The following POU6F2 variants were observed in gnomAD, a reference collection of about 807,000 sequenced individuals.
The protein encoded by POU6F2 is POU domain, class 6, transcription factor 2.
POU6F2 carries 31 observed loss-of-function variants against 71.3 expected under a neutral mutation model. That is an observed-to-expected ratio of 0.43 (90% CI 0.33 to 0.59). The LOEUF (loss-of-function observed/expected upper bound fraction) is 0.59, where lower values mean the gene tolerates loss of function less well. Among genes scored for constraint, POU6F2 ranks in the 20% least tolerant of loss-of-function variants. The pLI is 0.04. For missense variants in POU6F2, 783 were observed against 856.8 expected (o/e 0.91, Z 1.07); for synonymous variants, 347 against 355.7 (o/e 0.98, Z 0.27).
intron 4 of POU6F2, among the ~76,000 whole-genome samples, chr7:39,325,427 G>T (rs1172162744): frequency 6.6e-6 from 1 of 152,184 alleles, no homozygotes; most frequent in African/African-American, 2.4e-5. Flanking sequence ...AAATTGAATT[G>T]CCTGTTTAGG....
chr7:39,228,850 C>G (rs1030744541), intron 4 of POU6F2, among the ~76,000 whole-genome samples: 2 of 152,126 alleles, frequency 1.3e-5, no homozygotes, highest in Non-Finnish European at 2.9e-5. Context: ...AACCTGGGAC[C>G]CTTGCTCCCA....
chr7:39,296,233 T>C (rs1784841287), intron 4 of POU6F2, among the ~76,000 whole-genome samples: 1 of 152,210 alleles, frequency 6.6e-6, no homozygotes. Context: ...TGCTCATTAA[T>C]TACAGAAACT....
At chr7:39,433,306 G>T in intron 7 of POU6F2, 23 bp downstream of exon 7, 7 of 1,613,476 alleles carry the variant, frequency 4.3e-6, no homozygotes, top group Non-Finnish European at 5.9e-6. Context: ...GGCCAAGGCA[G>T]CCATGGCACA....
At chr7:39,093,999 A>T (rs1451062513) in intron 2 of POU6F2, among the ~76,000 whole-genome samples, 1 of 152,126 alleles carries the variant, frequency 6.6e-6, no homozygotes, top group Non-Finnish European at 1.5e-5. Context: ...TATAATAATA[A>T]GCTTTCTTTT....
Position 39,241,384 on chromosome 7 carries a change from G to C in POU6F2, c.598+33764G>C, listed in dbSNP as rs1349978048. 3.9e-5 allele frequency among the ~76,000 whole-genome samples: 6 copies of C among 152,152 alleles called. No homozygotes were observed. The East Asian group carries it at 1.2e-3, about 29-fold the overall frequency. On this transcript the variant is annotated intron_variant, in intron 4 of 9. Coordinates refer to ENST00000518318, the MANE Select transcript of POU6F2 (RefSeq NM_001370959.1). ...CAAATGGCATCAAGATAAAAAGTCA[G>C]ATGTTAAAATGCCAAATGGATGATC... is the stretch of plus-strand genomic sequence containing the variant.
At chr7:39,334,459 C>T (rs79789580) in intron 4 of POU6F2, among the ~76,000 whole-genome samples, 96 of 151,868 alleles carry the variant, frequency 6.3e-4, no homozygotes, top group East Asian at 5.6e-3. Context: ...TATACACAAT[C>T]GACTCACGTA....
intron 2 of POU6F2, among the ~76,000 whole-genome samples, chr7:39,152,121 G>T (rs1396400804): frequency 6.6e-6 from 1 of 152,082 alleles, no homozygotes; most frequent in Non-Finnish European, 1.5e-5. Context: ...GTTGGGTAGG[G>T]CTTTGTCTGA....
intron 1 of POU6F2, among the ~76,000 whole-genome samples, chr7:38,980,760 C>G (rs1269453272): frequency 6.6e-6 from 1 of 151,838 alleles, no homozygotes; most frequent in Non-Finnish European, 1.5e-5. Flanking sequence ...GTTGGAGGAG[C>G]AAATAACCAG....
At chr7:39,224,083 C>A (rs1219051049) in intron 4 of POU6F2, among the ~76,000 whole-genome samples, 1 of 152,134 alleles carries the variant, frequency 6.6e-6, no homozygotes, top group African/African-American at 2.4e-5. Context: ...CAGGCTGCCC[C>A]ATACTCTAGC....
chr7:39,447,170 T>G (rs1289493269), intron 7 of POU6F2, among the ~76,000 whole-genome samples: 1 of 152,146 alleles, frequency 6.6e-6, no homozygotes. Flanking sequence ...AACATGGCAT[T>G]TTAAATAGGG....
intron 5 of POU6F2, among the ~76,000 whole-genome samples, chr7:39,391,368 CT>C (rs1260845353): frequency 2.0e-5 from 3 of 151,516 alleles, no homozygotes; most frequent in Admixed American, 6.6e-5. Flanking sequence ...TCTTTTCCTC[CT>C]TTTTTTTACA....
chr7:39,303,187 C>T (rs1784983586), intron 4 of POU6F2, among the ~76,000 whole-genome samples: 2 of 152,176 alleles, frequency 1.3e-5, no homozygotes, highest in South Asian at 2.1e-4. Flanking sequence ...GACGGAGTCT[C>T]GCTCTGTCAC....
At chr7:39,293,393 G>A (rs1008323628) in intron 4 of POU6F2, among the ~76,000 whole-genome samples, 2 of 152,220 alleles carry the variant, frequency 1.3e-5, no homozygotes, top group Admixed American at 1.3e-4. Context: ...CAGAATTTAT[G>A]AAGCGCTGCG....
At chr7:39,392,190 C>T (rs950227880) in intron 5 of POU6F2, among the ~76,000 whole-genome samples, 4 of 152,160 alleles carry the variant, frequency 2.6e-5, no homozygotes, top group African/African-American at 9.7e-5. Context: ...TTTAGCATAT[C>T]GTAGACTTTT....
intron 4 of POU6F2, among the ~76,000 whole-genome samples, chr7:39,315,190 A>T (rs1785240102): frequency 1.3e-5 from 2 of 152,252 alleles, no homozygotes; most frequent in South Asian, 4.1e-4. Flanking sequence ...AAGCCTTGCT[A>T]CTCTAATTCT....
At chr7:39,459,950 G>A (rs1788906476) in intron 8 of POU6F2, among the ~76,000 whole-genome samples, 3 of 152,170 alleles carry the variant, frequency 2.0e-5, no homozygotes, top group Admixed American at 1.3e-4. Flanking sequence ...ACTGCTATGG[G>A]GGGAAAAAGA....
Position 39,006,952 on chromosome 7 carries a change from G to A in POU6F2, c.105+28894G>A, listed in dbSNP as rs1789091697. 5 of 1,360,350 alleles carry A rather than the reference G, an allele frequency of 3.7e-6. No homozygotes were observed. In the Admixed American group the frequency reaches 5.1e-5, roughly 14 times the overall value. 84.3% of individuals were successfully genotyped at this position (1,360,350 alleles called of 1,614,324 possible). On this transcript the variant is annotated intron_variant, in intron 1 of 9. Coordinates refer to ENST00000518318, the MANE Select transcript of POU6F2 (RefSeq NM_001370959.1). ...GTGAGTTTATTGTATAAAATCGGAG[G>A]GAAATAATTGTCATGTTTCCTTGAG...
At chr7:39,213,872 C>T (rs1010629063) in intron 4 of POU6F2, among the ~76,000 whole-genome samples, 1 of 152,176 alleles carries the variant, frequency 6.6e-6, no homozygotes, top group Non-Finnish European at 1.5e-5. Context: ...CTCTTTGGCC[C>T]TTGGCCACAC....
intron 6 of POU6F2, among the ~76,000 whole-genome samples, chr7:39,429,416 G>T (rs2116011179): frequency 6.6e-6 from 1 of 152,266 alleles, no homozygotes; most frequent in East Asian, 1.9e-4. Context: ...TGGGTATAGA[G>T]ATTTTTCTCA....
Sources: allele counts gnomAD v4.1 joint callset (sites outside exome capture counted in the v4.1 genomes callset), GRCh38; gene constraint gnomAD v4.1.1; transcripts MANE v1.5; gene names NCBI Gene and HGNC (gene_info 2026-07-23, HGNC 2026-07-21).